ARHGAP6: variants seen among roughly 807,000 people sequenced by gnomAD.
ARHGAP6 encodes rho GTPase-activating protein 6.
A neutral mutation model predicts 55.7 loss-of-function variants in ARHGAP6; 16 were observed. That is an observed-to-expected ratio of 0.29 (90% confidence interval 0.19 to 0.44). The LOEUF is 0.44. Ranked by LOEUF, ARHGAP6 falls within the 20% of genes least tolerant of loss-of-function variation. ARHGAP6 has a pLI of 1.00. For missense variants in ARHGAP6, 698 were observed against 808.9 expected (o/e 0.86, Z 1.66); for synonymous variants, 382 against 360.9 (o/e 1.06, Z -0.66).
At chrX:11,145,700 T>C (rs529298420) in intron 10 of ARHGAP6, among the ~76,000 whole-genome samples, 1 of 112,323 alleles carries the variant, frequency 8.9e-6, no homozygotes, top group South Asian at 3.7e-4. Context: ...GGCTACACCA[T>C]TTGTGGAGCC....
chrX:11,246,812 T>C (rs769571951), intron 2 of ARHGAP6, among the ~76,000 whole-genome samples: 1 of 112,073 alleles, frequency 8.9e-6, no homozygotes, highest in African/African-American at 3.2e-5. Flanking sequence ...TTTTGTGGAT[T>C]CTGCACCAGG....
intron 1 of ARHGAP6, among the ~76,000 whole-genome samples, chrX:11,551,009 T>A (rs1387922014): frequency 9.0e-6 from 1 of 110,680 alleles, no homozygotes; most frequent in Admixed American, 9.6e-5. Flanking sequence ...GGGCATTGAG[T>A]AAAAAAATCT....
At chrX:11,522,588 T>G (rs2050942599) in intron 1 of ARHGAP6, among the ~76,000 whole-genome samples, 1 of 111,308 alleles carries the variant, frequency 9.0e-6, no homozygotes. Context: ...CAAACTACCA[T>G]CAGAGAATAC....
intron 1 of ARHGAP6, among the ~76,000 whole-genome samples, chrX:11,583,598 G>T: frequency 8.9e-6 from 1 of 112,002 alleles, no homozygotes; most frequent in Middle Eastern, 4.6e-3. Context: ...TAGATATTTT[G>T]GTTCACTTAG....
In ARHGAP6 at chrX:11,186,318, T is replaced by C; in HGVS notation, c.1191A>G (p.Arg397=). 3.3e-6 allele frequency: 4 copies of C among 1,211,562 alleles called. No individual in the cohort carries two copies. Among genetic ancestry groups the C allele is most frequent in the Non-Finnish European group, 4.5e-6 (4 of 895,387 alleles). Residue 397 remains arginine (R), a synonymous_variant, in exon 5 of 13, where the codon AGA becomes AGG. Coordinates refer to ENST00000337414, the MANE Select transcript of ARHGAP6 (RefSeq NM_013427.3). ...TAGGATTCAGACTGAGTTTCTTATC[T>C]CTGGCTTTTTCCTTTTTACTTTGAG... ...AEAQSKKEKA[R]DKKLSLNPIY... is the part of the protein sequence containing the mutation.
intron 1 of ARHGAP6, among the ~76,000 whole-genome samples, chrX:11,287,692 A>G (rs2047938162): frequency 1.8e-5 from 2 of 111,929 alleles, no homozygotes; most frequent in Non-Finnish European, 3.8e-5. Context: ...CACACCAAGC[A>G]TGCTCTGCCC....
chrX:11,472,409 T>C (rs1376269651), intron 1 of ARHGAP6, among the ~76,000 whole-genome samples: 1 of 111,954 alleles, frequency 8.9e-6, no homozygotes, highest in Non-Finnish European at 1.9e-5. Flanking sequence ...CACTTTAGAC[T>C]GGAGGGTCAC....
intron 1 of ARHGAP6, among the ~76,000 whole-genome samples, chrX:11,542,260 T>C (rs1337385617): frequency 9.1e-6 from 1 of 109,455 alleles, no homozygotes; most frequent in Non-Finnish European, 1.9e-5. Context: ...TCACCTGAGG[T>C]CAGGGGTTTG....
chrX:11,615,650 T>C (rs1431263167), intron 1 of ARHGAP6, among the ~76,000 whole-genome samples: 1 of 112,105 alleles, frequency 8.9e-6, no homozygotes, highest in African/African-American at 3.2e-5. Context: ...GTCCAATCAT[T>C]ATAAATAGGG....
At chrX:11,536,196 T>A (rs1046463179) in intron 1 of ARHGAP6, among the ~76,000 whole-genome samples, 2 of 111,535 alleles carry the variant, frequency 1.8e-5, no homozygotes, top group Non-Finnish European at 3.8e-5. Context: ...GGACATCCCA[T>A]GACATCCAGC....
intron 1 of ARHGAP6, among the ~76,000 whole-genome samples, chrX:11,386,683 T>G (rs907835771): frequency 1.8e-5 from 2 of 111,729 alleles, no homozygotes; most frequent in Non-Finnish European, 3.8e-5. Context: ...CACAGAAAAC[T>G]TACTTTCCCA....
intron 1 of ARHGAP6, among the ~76,000 whole-genome samples, chrX:11,339,290 T>C (rs1164492882): frequency 9.0e-6 from 1 of 111,715 alleles, no homozygotes; most frequent in Non-Finnish European, 1.9e-5. Context: ...ACACCGACTT[T>C]TATCCATGTT....
chrX:11,173,371 G>A (rs1374168143), intron 8 of ARHGAP6, among the ~76,000 whole-genome samples: 2 of 111,309 alleles, frequency 1.8e-5, no homozygotes, highest in Non-Finnish European at 3.8e-5. Context: ...TTCTTTTTTT[G>A]CCTCATAGAC....
chrX:11,519,607 C>A lies in ARHGAP6; in HGVS notation c.588+144634G>T, dbSNP rs962390599. On this transcript the variant is annotated intron_variant, in intron 1 of 12. Transcript: ENST00000337414. ...AACTATACTACAAGGCTACAGTAAC[C>A]AAAACAGCATGGTACTGGTACCAAA... Among the ~76,000 whole-genome samples the A allele has an allele frequency of 2.1e-4, 23 of 110,445 alleles. 1 individual carries two copies. The highest frequency in any genetic ancestry group is 1.5e-3 in the Admixed American group (15 of 10,315).
intron 1 of ARHGAP6, among the ~76,000 whole-genome samples, chrX:11,592,366 G>A (rs1314021293): frequency 8.9e-6 from 1 of 111,861 alleles, no homozygotes; most frequent in African/African-American, 3.3e-5. Context: ...ACAGCCTAAG[G>A]TTGATCCTTC....
At chrX:11,614,951 A>C (rs1184859672) in intron 1 of ARHGAP6, among the ~76,000 whole-genome samples, 1 of 110,297 alleles carries the variant, frequency 9.1e-6, no homozygotes, top group South Asian at 3.9e-4. Context: ...GAAAAAAAAA[A>C]GGTGGAGACA....
chrX:11,641,058 T>C (rs2052469954), intron 1 of ARHGAP6, among the ~76,000 whole-genome samples: 1 of 98,049 alleles, frequency 1.0e-5, no homozygotes, highest in African/African-American at 3.9e-5. Flanking sequence ...ACCCATTTTT[T>C]TTTTCTGGAC....
chrX:11,388,976 T>C (rs1486399105), intron 1 of ARHGAP6, among the ~76,000 whole-genome samples: 1 of 112,158 alleles, frequency 8.9e-6, no homozygotes, highest in African/African-American at 3.2e-5. Context: ...GGTCACAAAA[T>C]GCCTACAGAT....
At chrX:11,656,997 T>C (rs1380186515) in intron 1 of ARHGAP6, among the ~76,000 whole-genome samples, 1 of 112,088 alleles carries the variant, frequency 8.9e-6, no homozygotes, top group Non-Finnish European at 1.9e-5. Context: ...TCCACCTACA[T>C]TCCTAGTGTC....
Sources: allele counts gnomAD v4.1 joint callset (sites outside exome capture counted in the v4.1 genomes callset), GRCh38; gene constraint gnomAD v4.1.1; transcripts MANE v1.5; gene names NCBI Gene and HGNC (gene_info 2026-07-23, HGNC 2026-07-21).